SYNE1: variants seen among roughly 807,000 people sequenced by gnomAD.
SYNE1 encodes the protein spectrin repeat containing nuclear envelope protein 1, also known as nesprin-1.
In SYNE1, 616 loss-of-function variants were observed where a neutral mutation model predicts 1,111.0. The observed-to-expected ratio is 0.55, with a 90% CI of 0.52 to 0.59. SYNE1 has a LOEUF of 0.59. Among genes scored for constraint, SYNE1 ranks in the 20% least tolerant of loss-of-function variants. The pLI, the probability that SYNE1 is intolerant of heterozygous loss-of-function variation, is 0.00. For synonymous variants in SYNE1, 3,855 were observed against 3,825.8 expected (o/e 1.01, Z -0.28); for missense variants, 10,006 against 10,417.0 (o/e 0.96, Z 1.72).
At chr6:152,434,043 A>T in intron 33 of SYNE1, 98 bp from the exon 34 acceptor site, 1 of 1,115,182 alleles carries the variant, frequency 9.0e-7, no homozygotes, top group Non-Finnish European at 1.3e-6. Flanking sequence ...TAATGAAGAC[A>T]TTTGTGACCA....
At chr6:152,247,855 A>AACAC (rs10592346) in intron 105 of SYNE1, among the ~76,000 whole-genome samples, 1,867 of 89,860 alleles carry the variant, frequency 0.021, 42 homozygotes, top group African/African-American at 0.077. Flanking sequence ...GGTGTTCTTT[A>AACAC]ACACACACAC....
chr6:152,368,750 A>G, intron 61 of SYNE1: 1 of 580,610 alleles, frequency 1.7e-6, no homozygotes, highest in African/African-American at 1.9e-5. Context: ...CAATCTTTGA[A>G]ACCTCCTTCG....
chr6:152,218,250 C>A lies in SYNE1; in HGVS notation c.22191+7G>T. ...AAGATCTGGGACTCAGATTTGAACACACTTACCTTAAGTTCTTCCATCCTT... is the reference window on the plus strand; with the variant it reads ...AAGATCTGGGACTCAGATTTGAACAAACTTACCTTAAGTTCTTCCATCCTT... On this transcript the variant is annotated splice_region_variant and intron_variant, in intron 121 of 145. Coordinates refer to ENST00000367255, the MANE Select transcript of SYNE1 (RefSeq NM_182961.4). 6.2e-7 allele frequency: 1 copy of A among 1,613,826 alleles called. No homozygotes were observed. The highest frequency in any genetic ancestry group is 1.7e-5 in the Admixed American group (1 of 60,006).
At chr6:152,628,200 T>C (rs749594269) in intron 3 of SYNE1, 65 bp downstream of exon 3, 14 of 1,558,572 alleles carry the variant, frequency 9.0e-6, no homozygotes, top group Non-Finnish European at 1.2e-5. Context: ...CCCAAACAAA[T>C]TTAACTGATT....
chr6:152,509,757 T>TAA (rs138196158), intron 8 of SYNE1, among the ~76,000 whole-genome samples: 1 of 149,516 alleles, frequency 6.7e-6, no homozygotes, highest in African/African-American at 2.5e-5. Flanking sequence ...TTTCAGAACA[T>TAA]AAAAAAAAAA....
intron 98 of SYNE1, among the ~76,000 whole-genome samples, chr6:152,269,725 A>G (rs2093044646): frequency 6.6e-6 from 1 of 152,172 alleles, no homozygotes; most frequent in African/African-American, 2.4e-5. Context: ...CACTTTCTCT[A>G]ATCCAGGTCC....
chr6:152,192,797 C>A (rs1429370268), intron 127 of SYNE1, among the ~76,000 whole-genome samples: 1 of 151,994 alleles, frequency 6.6e-6, no homozygotes. Context: ...GCTGAATTAA[C>A]CCCTTTTTCA....
chr6:152,441,090 G>GT (rs749364855), intron 32 of SYNE1, 40 bp downstream of exon 32: 15 of 1,610,872 alleles, frequency 9.3e-6, no homozygotes, highest in East Asian at 8.9e-5. Flanking sequence ...GTTTTGCTTT[G>GT]TTTTTTCTGA....
chr6:152,278,799 G>A (rs1423092175), intron 97 of SYNE1, among the ~76,000 whole-genome samples: 1 of 151,246 alleles, frequency 6.6e-6, no homozygotes, highest in East Asian at 2.0e-4. Context: ...GGAGGGTCTT[G>A]TTCTGTTGCC....
At position 152,449,546 on chromosome 6, in the gene SYNE1, T is replaced by G. The variant is rs2098629793; in HGVS notation, c.3491A>C (p.Lys1164Thr). 1.9e-6 allele frequency: 3 copies of G among 1,613,830 alleles called. No individual in the cohort carries two copies. The African/African-American group carries it at 4.0e-5, about 22-fold the overall frequency. Residue 1164 changes from lysine to threonine, a missense_variant, in exon 28 of 146, where the codon AAA becomes ACA. Coordinates refer to ENST00000367255, the MANE Select transcript of SYNE1 (RefSeq NM_182961.4). ...AIDTANHGEV[K>T]RAVEEIRNGV... ...CCCTGAACTTACTTCAACGGCACGT[T>G]TAACCTCTCCGTGGTTGGCAGTATC...
rs1162626351 is a variant in SYNE1, at chr6:152,262,165, T to C, written c.18839A>G (p.Gln6280Arg). The C allele has an allele frequency of 6.2e-7, 1 of 1,613,752 alleles. No individual in the cohort carries two copies. Among genetic ancestry groups the C allele is most frequent in the African/African-American group, 1.3e-5 (1 of 74,876 alleles). Residue 6280 changes from glutamine (Q) to arginine (R), a missense_variant, in exon 101 of 146, where the codon CAG becomes CGG. By Grantham distance (43) the Gln-to-Arg change is conservative (BLOSUM62 1). Transcript: ENST00000367255. The part of the protein sequence containing the change: ...DAGEKPDVLS[Q>R]ELGMEGEKSS... ...TTTCTCCCCTTCCATCCCCAACTCC[T>C]GGGATAACACATCAGGTTTTTCGCT...
At chr6:152,360,453 T>C (rs1181181590) in intron 64 of SYNE1, among the ~76,000 whole-genome samples, 1 of 152,220 alleles carries the variant, frequency 6.6e-6, no homozygotes, top group African/African-American at 2.4e-5. Context: ...ATATGTCTGC[T>C]GTTTCAGAGA....
In SYNE1 at chr6:152,330,788, G is replaced by A. The variant is rs2096229453; in HGVS notation, c.13897C>T (p.Leu4633=). The stretch of plus-strand genomic sequence containing the variant: ...AGGTAGGAATGATCGACTTCATTCA[G>A]CGATGGTAATATGGTCTGCCCAGTT... ...QRTGQTILPS[L]NEVDHSYLSE... The change falls in exon 78 of 146, where the codon CTG becomes TTG. Residue 4633 remains leucine, a synonymous_variant. Coordinates refer to ENST00000367255, the MANE Select transcript of SYNE1 (RefSeq NM_182961.4). 6.2e-7 allele frequency: 1 copy of A among 1,613,886 alleles called. No homozygotes were observed. Among genetic ancestry groups the A allele is most frequent in the Non-Finnish European group, 8.5e-7 (1 of 1,180,040 alleles).
chr6:152,433,650 G>T, intron 34 of SYNE1, 145 bp downstream of exon 34: 3 of 957,480 alleles, frequency 3.1e-6, no homozygotes, highest in Non-Finnish European at 4.8e-6. Flanking sequence ...AGACCTCTTA[G>T]CTTGATAAAA....
chr6:152,475,368 A>G (rs2098828955), intron 14 of SYNE1, among the ~76,000 whole-genome samples: 2 of 152,214 alleles, frequency 1.3e-5, no homozygotes, highest in African/African-American at 4.8e-5. Flanking sequence ...CCGACATTAA[A>G]TGTGCTCAGA....
At chr6:152,328,879 G>A (rs572247873) in intron 78 of SYNE1, among the ~76,000 whole-genome samples, 1 of 152,268 alleles carries the variant, frequency 6.6e-6, no homozygotes, top group African/African-American at 2.4e-5. Context: ...GCAGGAGAAG[G>A]ACAGCACTCA....
rs776807564 is a variant in SYNE1 at position 152,143,751 on chromosome 6, G to C, written c.24991C>G (p.Leu8331Val). ...CCCAGTTGTCGGATCTGTGACTCTA[G>C]GGCACTGTGGTCCCCTGCGGTGGCA... ...AVGLSGDHSA[L>V]ESQIRQLGKA... The change falls in exon 138 of 146, where the codon CTA (leucine) becomes GTA (valine). Residue 8331 changes from leucine (L) to valine (V), a missense_variant. By Grantham distance (32) the Leu-to-Val change is conservative (BLOSUM62 1). Coordinates refer to ENST00000367255, the MANE Select transcript of SYNE1 (RefSeq NM_182961.4). 16 of 1,614,036 alleles carry C rather than the reference G, an allele frequency of 9.9e-6. No homozygotes were observed. Among genetic ancestry groups the C allele is most frequent in the Non-Finnish European group, 1.4e-5 (16 of 1,180,050 alleles).
chr6:152,139,874 T>C, intron 140 of SYNE1, 76 bp downstream of exon 140: 1 of 1,513,180 alleles, frequency 6.6e-7, no homozygotes, highest in African/African-American at 1.4e-5. Flanking sequence ...CAGCTCGAAC[T>C]AGAGGTGCCA....
intron 66 of SYNE1, among the ~76,000 whole-genome samples, chr6:152,356,053 G>T (rs1304916449): frequency 6.6e-6 from 1 of 152,018 alleles, no homozygotes; most frequent in East Asian, 1.9e-4. Context: ...AAAATTCTTA[G>T]ACTTTTTTTC....
Sources: allele counts gnomAD v4.1 joint callset (sites outside exome capture counted in the v4.1 genomes callset), GRCh38; gene constraint gnomAD v4.1.1; transcripts MANE v1.5; gene names NCBI Gene and HGNC (gene_info 2026-07-23, HGNC 2026-07-21).